LACTB: variants seen among roughly 807,000 people sequenced by gnomAD.
LACTB encodes lactamase beta, also known as serine beta-lactamase-like protein LACTB, mitochondrial.
Under a neutral mutation model 50.2 loss-of-function variants are expected in LACTB, and 35 were observed. The ratio of observed to expected loss-of-function variants is 0.70; its 90% CI spans 0.53 to 0.92. The LOEUF is 0.92. Among genes scored for constraint, LACTB ranks in the 40% least tolerant of loss-of-function variants. LACTB has a pLI of 0.00. For synonymous variants in LACTB, 252 were observed against 268.2 expected, an observed-to-expected ratio of 0.94 and a Z score of 0.59; for missense variants, 664 against 691.8, an observed-to-expected ratio of 0.96 and a Z score of 0.45.
Position 63,141,272 on chromosome 15 carries a change from CCTTT to C in LACTB, c.1119-7_1119-4del. 6.4e-7 allele frequency: 1 copy of C among 1,574,536 alleles called. No homozygotes were observed. The highest frequency in any genetic ancestry group is 8.6e-7 in the Non-Finnish European group (1 of 1,160,950). ...AATTTTTCATGATCATTTCTTATTT[CCTTT>C]TAGATTTTATGTTTACAATAAAAAG... On this transcript the variant is annotated splice_region_variant and splice_polypyrimidine_tract_variant and intron_variant, in intron 5 of 5. Transcript: ENST00000261893.
At position 63,141,562 on chromosome 15, in the gene LACTB, G is replaced by A; in HGVS notation, c.1401G>A (p.Val467=). 1 of 1,614,186 alleles carries A rather than the reference G, an allele frequency of 6.2e-7. No individual in the cohort carries two copies. The highest frequency in any genetic ancestry group is 8.5e-7 in the Non-Finnish European group (1 of 1,180,028). ...AATATGCAATGGCGTGGGGTGTTGT[G>A]GAAAGGAAACAAACGTATGGTTCGT... The part of the protein sequence containing the change: ...EGKYAMAWGV[V]ERKQTYGSCR... Residue 467 remains valine, a synonymous_variant, in exon 6 of 6, where the codon GTG becomes GTA. Coordinates refer to ENST00000261893, the MANE Select transcript of LACTB (RefSeq NM_032857.5).
intron 5 of LACTB, among the ~76,000 whole-genome samples, chr15:63,136,632 T>C (rs1422107680): frequency 6.6e-6 from 1 of 152,216 alleles, no homozygotes; most frequent in African/African-American, 2.4e-5. Context: ...TCTGATTCTT[T>C]TTTGTAATAA....
intron 4 of LACTB, among the ~76,000 whole-genome samples, chr15:63,128,354 A>T (rs1014103248): frequency 8.5e-5 from 13 of 152,228 alleles, no homozygotes; most frequent in Non-Finnish European, 1.6e-4. Flanking sequence ...CCCAGCACTT[A>T]CAGAGGGAAA....
rs779362563 is a variant in LACTB at position 63,127,405 on chromosome 15, A to C, written c.668A>C (p.Tyr223Ser). 1 of 1,590,048 alleles carries C rather than the reference A, an allele frequency of 6.3e-7. No individual in the cohort carries two copies. The highest frequency in any genetic ancestry group is 1.2e-5 in the South Asian group (1 of 85,478). ...LISHLSGIRHYEKDIKKVKEE... is the reference protein window; with the variant it reads ...LISHLSGIRHSEKDIKKVKEE... ...TCCCATTTAAGTGGAATTCGTCATT[A>C]TGAAAAGGACATAAAAAAGGTGAAA... is the stretch of plus-strand genomic sequence containing the variant. The change falls in exon 4 of 6, where the codon TAT becomes TCT. Residue 223 changes from tyrosine to serine, a missense_variant. Coordinates refer to ENST00000261893, the MANE Select transcript of LACTB (RefSeq NM_032857.5).
chr15:63,124,457 C>G (rs1047395414), intron 2 of LACTB, among the ~76,000 whole-genome samples: 1 of 152,122 alleles, frequency 6.6e-6, no homozygotes, highest in Non-Finnish European at 1.5e-5. Flanking sequence ...TCTTTAATGA[C>G]TTTTCAGTCT....
Position 63,121,882 on chromosome 15 carries a change from T to C in LACTB, c.11T>C (p.Leu4Pro). The change falls in exon 1 of 6, where the codon CTC becomes CCC. Residue 4 changes from leucine (L) to proline (P), a missense_variant. Transcript: ENST00000261893. ...CTGTGCAGAGACGCCATGTACCGGC[T>C]CATGTCAGCAGTGACTGCCCGGGCT... MYR[L>P]MSAVTARAAA... The C allele has an allele frequency of 7.1e-7, 1 of 1,399,772 alleles. No individual in the cohort carries two copies. The highest frequency in any genetic ancestry group is 9.2e-7 in the Non-Finnish European group (1 of 1,082,410). The allele number at this position is 1,399,772 out of a possible 1,614,324, so 86.7% of individuals were successfully genotyped here. A position where few individuals can be genotyped will look rare whatever the true frequency, so the allele number is the denominator to read the frequency against.
chr15:63,127,715 A>C, intron 4 of LACTB, 26 bp downstream of exon 4: 1 of 1,387,706 alleles, frequency 7.2e-7, no homozygotes, highest in Non-Finnish European at 9.9e-7. Context: ...TTCTCTTAAC[A>C]AAATCATCAT....
chr15:63,127,245 C>T (rs2037065110), intron 3 of LACTB, 108 bp from the exon 4 acceptor site: 6 of 1,015,388 alleles, frequency 5.9e-6, no homozygotes, highest in Non-Finnish European at 7.2e-6. Context: ...GACATTTTCC[C>T]AGCAGCAGTT....
At chr15:63,129,743 A>G (rs2037105133) in intron 5 of LACTB, 93 bp downstream of exon 5, 2 of 1,342,010 alleles carry the variant, frequency 1.5e-6, no homozygotes, top group East Asian at 5.6e-5. Flanking sequence ...CCATTCCAAA[A>G]TCAACCTGCC....
chr15:63,124,592 A>T (rs1346769395), intron 2 of LACTB, among the ~76,000 whole-genome samples: 1 of 152,068 alleles, frequency 6.6e-6, no homozygotes, highest in Non-Finnish European at 1.5e-5. Flanking sequence ...ATTTTTCATA[A>T]CTTCTCTGTT....
intron 5 of LACTB, among the ~76,000 whole-genome samples, chr15:63,136,042 C>CTTTTTTTTTTTTTTTTTTTTTTTTTTTT (rs55680025): frequency 7.5e-6 from 1 of 132,588 alleles, no homozygotes; most frequent in African/African-American, 2.7e-5. Context: ...ATTTTCTTTT[C>CTTTTTTTTTTTTTTTTTTTTTTTTTTTT]TTTTTTTTTT....
chr15:63,124,646 C>T (rs2141068275), intron 2 of LACTB, among the ~76,000 whole-genome samples: 1 of 152,212 alleles, frequency 6.6e-6, no homozygotes, highest in East Asian at 1.9e-4. Context: ...TTCTAGGAGT[C>T]CCACTTTTAG....
chr15:63,141,944 T>A lies in LACTB; in HGVS notation c.*139T>A. ...AGAGAATTATGTACCTCTAATTGCT[T>A]AATTTTGTAATGGTCTTTTATTGTA... On this transcript the variant is annotated 3_prime_UTR_variant, in exon 6 of 6. Coordinates refer to ENST00000261893, the MANE Select transcript of LACTB (RefSeq NM_032857.5). 1 of 648,412 alleles carries A rather than the reference T, an allele frequency of 1.5e-6. No individual in the cohort carries two copies. Among genetic ancestry groups the A allele is most frequent in the Non-Finnish European group, 2.6e-6 (1 of 390,178 alleles). 40.2% of individuals were successfully genotyped at this position (648,412 alleles called of 1,614,324 possible).
chr15:63,133,736 G>A (rs1355674589), intron 5 of LACTB, among the ~76,000 whole-genome samples: 1 of 152,126 alleles, frequency 6.6e-6, no homozygotes, highest in Admixed American at 6.6e-5. Context: ...ACTAAATACA[G>A]ATTTCTTGTC....
At chr15:63,133,862 A>G (rs1489240558) in intron 5 of LACTB, among the ~76,000 whole-genome samples, 1 of 152,200 alleles carries the variant, frequency 6.6e-6, no homozygotes, top group Non-Finnish European at 1.5e-5. Flanking sequence ...TGCGATAAAG[A>G]TTTGTTTGAC....
chr15:63,124,717 C>G (rs2037025415), intron 2 of LACTB, among the ~76,000 whole-genome samples: 1 of 152,104 alleles, frequency 6.6e-6, no homozygotes, highest in Non-Finnish European at 1.5e-5. Context: ...CTTTGAGAGG[C>G]AGAGGCAGGT....
chr15:63,125,491 T>G (rs2037040101), intron 2 of LACTB, among the ~76,000 whole-genome samples: 1 of 152,076 alleles, frequency 6.6e-6, no homozygotes, highest in Admixed American at 6.6e-5. Flanking sequence ...AAAAGGAAAA[T>G]GATTCTTCCT....
chr15:63,125,624 A>T (rs2037042781), intron 2 of LACTB, among the ~76,000 whole-genome samples: 1 of 152,082 alleles, frequency 6.6e-6, no homozygotes, highest in Admixed American at 6.5e-5. Context: ...AGATTATACA[A>T]ATTTATAGTC....
chr15:63,133,185 A>G (rs985884630), intron 5 of LACTB, among the ~76,000 whole-genome samples: 2 of 152,246 alleles, frequency 1.3e-5, no homozygotes, highest in African/African-American at 4.8e-5. Flanking sequence ...ATATAATTTC[A>G]TATTTGATTC....
Sources: gnomAD v4.1 joint callset for allele counts (sites outside exome capture counted in the v4.1 genomes callset) on GRCh38, gnomAD v4.1.1 for gene constraint, MANE v1.5 for transcripts, NCBI Gene and HGNC (gene_info 2026-07-23, HGNC 2026-07-21) for gene names.